BRINP1: variants seen among roughly 807,000 people sequenced by gnomAD.
BRINP1 encodes BMP/retinoic acid inducible neural specific 1.
BRINP1 carries 17 observed loss-of-function variants against 72.9 expected under a neutral mutation model. That is an observed-to-expected ratio of 0.23 (90% CI 0.16 to 0.35). The LOEUF (loss-of-function observed/expected upper bound fraction) is 0.35. Ranked by LOEUF, BRINP1 falls within the 10% of genes least tolerant of loss-of-function variation. The pLI is 1.00. For missense variants in BRINP1, 850 were observed against 1,001.6 expected (o/e 0.85, Z 2.04); for synonymous variants, 418 against 378.5 (o/e 1.10, Z -1.21).
chr9:119,254,504 C>A (rs1830426056), intron 2 of BRINP1, among the ~76,000 whole-genome samples: 1 of 152,042 alleles, frequency 6.6e-6, no homozygotes, highest in Non-Finnish European at 1.5e-5. Flanking sequence ...CATCAAAGGG[C>A]AGCCTAAATG....
At chr9:119,286,440 T>A (rs1377090212) in intron 2 of BRINP1, among the ~76,000 whole-genome samples, 1 of 152,178 alleles carries the variant, frequency 6.6e-6, no homozygotes, top group Non-Finnish European at 1.5e-5. Flanking sequence ...TTCACCATGT[T>A]AGCCAGGATG....
intron 6 of BRINP1, 92 bp from the exon 7 acceptor site, chr9:119,209,033 C>A: frequency 9.7e-7 from 1 of 1,027,280 alleles, no homozygotes; most frequent in Non-Finnish European, 1.5e-6. Flanking sequence ...TTCCAATAAA[C>A]CAGGCCTGCA....
At chr9:119,230,034 T>C (rs1001385574) in intron 5 of BRINP1, among the ~76,000 whole-genome samples, 12 of 151,932 alleles carry the variant, frequency 7.9e-5, no homozygotes, top group African/African-American at 2.9e-4. Context: ...GTGCAGACCA[T>C]CTAATGGCCT....
chr9:119,207,573 T>C (rs1195222614), intron 7 of BRINP1, among the ~76,000 whole-genome samples: 1 of 152,176 alleles, frequency 6.6e-6, no homozygotes, highest in Non-Finnish European at 1.5e-5. Context: ...CTTGCTACGA[T>C]ACTCAAAATT....
At chr9:119,280,535 C>T (rs1830700036) in intron 2 of BRINP1, among the ~76,000 whole-genome samples, 2 of 152,214 alleles carry the variant, frequency 1.3e-5, no homozygotes, top group Admixed American at 1.3e-4. Context: ...TGAGCTACCG[C>T]ACCCAGCCAA....
chr9:119,197,842 A>G (rs921297643), intron 7 of BRINP1, among the ~76,000 whole-genome samples: 1 of 152,262 alleles, frequency 6.6e-6, no homozygotes, highest in Admixed American at 6.5e-5. Context: ...AAATAACTAA[A>G]TTAAAACTAA....
At chr9:119,245,642 C>G (rs1397665484) in intron 3 of BRINP1, among the ~76,000 whole-genome samples, 1 of 152,180 alleles carries the variant, frequency 6.6e-6, no homozygotes, top group Non-Finnish European at 1.5e-5. Context: ...ATCACCTCTG[C>G]TTCTCCATTC....
intron 2 of BRINP1, among the ~76,000 whole-genome samples, chr9:119,295,116 T>G (rs911975527): frequency 1.3e-5 from 2 of 152,116 alleles, no homozygotes; most frequent in Non-Finnish European, 2.9e-5. Context: ...TATACTGGCA[T>G]GTATCACTTA....
rs1831716420 is a variant in BRINP1, at chr9:119,368,241, C to A, written c.-51+815G>T. On this transcript the variant is annotated intron_variant, in intron 1 of 7. Transcript: ENST00000265922. The surrounding 1 kb of genome is among the most constrained non-coding windows in gnomAD (Gnocchi z 4.7). ...GACTTTCCAAGCCCCAGATAAGGAG[C>A]CCACCGCTGACTTCCCCCTTTCTCT... Among the ~76,000 whole-genome samples the A allele has an allele frequency of 6.6e-6, 1 of 152,124 alleles. No individual in the cohort carries two copies.
chr9:119,350,509 G>T (rs1831496509), intron 1 of BRINP1, among the ~76,000 whole-genome samples: 1 of 151,988 alleles, frequency 6.6e-6, no homozygotes, highest in Admixed American at 6.6e-5. Context: ...AGCCACATGG[G>T]TTTGCTTTGC....
At chr9:119,237,207 A>AT (rs1044736150) in intron 5 of BRINP1, among the ~76,000 whole-genome samples, 30 of 150,910 alleles carry the variant, frequency 2.0e-4, no homozygotes, top group African/African-American at 5.4e-4. Context: ...AAAGCATGTC[A>AT]TTTTTTTTTC....
chr9:119,218,341 C>T (rs933505321), intron 5 of BRINP1, among the ~76,000 whole-genome samples: 1 of 151,622 alleles, frequency 6.6e-6, no homozygotes, highest in African/African-American at 2.4e-5. Flanking sequence ...AGTAGGGTTT[C>T]AACATGTTGG....
intron 7 of BRINP1, among the ~76,000 whole-genome samples, chr9:119,198,086 G>T (rs1829759189): frequency 6.6e-6 from 1 of 152,200 alleles, no homozygotes; most frequent in Non-Finnish European, 1.5e-5. Context: ...AGGAACACCA[G>T]TAGAATGTTA....
At chr9:119,255,571 A>G (rs1335728786) in intron 2 of BRINP1, among the ~76,000 whole-genome samples, 1 of 152,180 alleles carries the variant, frequency 6.6e-6, no homozygotes, top group Non-Finnish European at 1.5e-5. Context: ...CATCCTCTTT[A>G]TTAGTCCTCT....
chr9:119,280,294 A>G (rs1830696604), intron 2 of BRINP1, among the ~76,000 whole-genome samples: 1 of 151,408 alleles, frequency 6.6e-6, no homozygotes, highest in Non-Finnish European at 1.5e-5. Flanking sequence ...GCTGGAGTGC[A>G]GTGGTGCGAT....
chr9:119,241,232 C>T (rs990779558), intron 4 of BRINP1, among the ~76,000 whole-genome samples: 1 of 152,182 alleles, frequency 6.6e-6, no homozygotes, highest in African/African-American at 2.4e-5. Context: ...CTAGTGGCTA[C>T]TATCTCGGCT....
rs764022732 is a variant in BRINP1, at chr9:119,167,401, C to A, written c.1969G>T (p.Val657Leu). ...TTGAACCTCAGGCTATACCCAAACA[C>A]CTGCACGTCTGAGATCTTGATGTAG... ...QFYIKISDVQ[V>L]FGYSLRFNAD... The change falls in exon 8 of 8, where the codon GTG (valine) becomes TTG (leucine). Residue 657 changes from valine (V) to leucine (L), a missense_variant. Transcript: ENST00000265922. This position sits in a 1 kb window ranked among gnomAD's most constrained non-coding sequence, Gnocchi z 4.3. 1.2e-6 allele frequency: 2 copies of A among 1,614,058 alleles called. No homozygotes were observed. Among genetic ancestry groups the A allele is most frequent in the South Asian group, 1.1e-5 (1 of 91,074 alleles).
intron 7 of BRINP1, among the ~76,000 whole-genome samples, chr9:119,192,315 C>T (rs1564213591): frequency 6.6e-6 from 1 of 151,874 alleles, no homozygotes; most frequent in Non-Finnish European, 1.5e-5. Context: ...AAAAGGCAAC[C>T]TACAGACTGA....
chr9:119,225,610 A>G (rs1830082061), intron 5 of BRINP1, among the ~76,000 whole-genome samples: 1 of 152,012 alleles, frequency 6.6e-6, no homozygotes, highest in Admixed American at 6.6e-5. Context: ...GGTTGAAGCC[A>G]CAGACCCAGA....
Sources: gnomAD v4.1 joint callset for allele counts (sites outside exome capture counted in the v4.1 genomes callset) on GRCh38, gnomAD v4.1.1 for gene constraint, Gnocchi (gnomAD v3.1) non-coding constraint, MANE v1.5 for transcripts, NCBI Gene and HGNC (gene_info 2026-07-23, HGNC 2026-07-21) for gene names.